PTPRN2: variants seen among roughly 807,000 people sequenced by gnomAD.
PTPRN2 encodes the protein protein tyrosine phosphatase receptor type N2.
A neutral mutation model predicts 118.8 loss-of-function variants in PTPRN2; 74 were observed. The ratio of observed to expected loss-of-function variants is 0.62; its 90% CI spans 0.52 to 0.76. The LOEUF (loss-of-function observed/expected upper bound fraction) is 0.76. Among genes scored for constraint, PTPRN2 ranks in the 30% least tolerant of loss-of-function variants. The pLI is 0.00. For synonymous variants in PTPRN2, 641 were observed against 608.0 expected (o/e 1.05, Z -0.80); for missense variants, 1,481 against 1,394.4 (o/e 1.06, Z -0.99).
chr7:157,578,017 G>A lies in PTPRN2; in HGVS notation c.2616+4C>T. 6.2e-7 allele frequency: 1 copy of A among 1,605,528 alleles called. No individual in the cohort carries two copies. The highest frequency in any genetic ancestry group is 8.5e-7 in the Non-Finnish European group (1 of 1,173,616). On this transcript the variant is annotated splice_donor_region_variant and intron_variant, in intron 18 of 22. Coordinates refer to ENST00000389418, the MANE Select transcript of PTPRN2 (RefSeq NM_002847.5). ...CCTGCCCTGGGTGGCTCTGGTCGGA[G>A]TACCTCATAGATGTGGTAGAGATTG...
chr7:157,561,360 C>A (rs1396932593), intron 21 of PTPRN2, among the ~76,000 whole-genome samples: 1 of 152,256 alleles, frequency 6.6e-6, no homozygotes, highest in South Asian at 2.1e-4. Flanking sequence ...GCGGCCCAGG[C>A]GCCTCACCAC....
intron 11 of PTPRN2, among the ~76,000 whole-genome samples, chr7:158,062,963 G>T (rs1273216083): frequency 1.3e-5 from 2 of 152,254 alleles, no homozygotes; most frequent in Non-Finnish European, 2.9e-5. Context: ...TGGGCTCACG[G>T]TGCACGACTG....
At chr7:158,286,467 G>A (rs188396754) in intron 3 of PTPRN2, among the ~76,000 whole-genome samples, 15 of 152,212 alleles carry the variant, frequency 9.9e-5, no homozygotes, top group African/African-American at 2.2e-4. Context: ...TCACCATTGC[G>A]TATGATGTTA....
chr7:158,024,632 C>T (rs9691095), intron 11 of PTPRN2, among the ~76,000 whole-genome samples: 2,715 of 152,304 alleles, frequency 0.018, 52 homozygotes, highest in African/African-American at 0.053. Flanking sequence ...GATGTGGCTC[C>T]TGACCCCATG....
chr7:158,571,424 G>A (rs1004676685), intron 1 of PTPRN2, among the ~76,000 whole-genome samples: 1 of 150,338 alleles, frequency 6.7e-6, no homozygotes, highest in Non-Finnish European at 1.5e-5. Context: ...GTTGCAGTGA[G>A]CTGAGATTGC....
Position 158,003,580 on chromosome 7 carries a change from A to G in PTPRN2, c.1723+77718T>C, listed in dbSNP as rs1805436861. On this transcript the variant is annotated intron_variant, in intron 11 of 22. Transcript: ENST00000389418. The surrounding 1 kb of genome is among the most constrained non-coding windows in gnomAD (Gnocchi z 5.0). ...GTGAGCCAGGGAATGCGGCCCCAGG[A>G]ACAAGCCCTGCCCACAGGCGTCCCA... Among the ~76,000 whole-genome samples, 1 of 152,124 alleles carries G rather than the reference A, an allele frequency of 6.6e-6. No individual in the cohort carries two copies. Among genetic ancestry groups the G allele is most frequent in the Admixed American group, 6.5e-5 (1 of 15,272 alleles).
chr7:158,001,689 C>T (rs1316774782), intron 11 of PTPRN2, among the ~76,000 whole-genome samples: 1 of 152,200 alleles, frequency 6.6e-6, no homozygotes, highest in Non-Finnish European at 1.5e-5. Flanking sequence ...ATGCCAACTC[C>T]CAATCCGTGC....
chr7:158,096,295 A>C (rs1814621933), intron 10 of PTPRN2, among the ~76,000 whole-genome samples: 1 of 152,144 alleles, frequency 6.6e-6, no homozygotes, highest in Non-Finnish European at 1.5e-5. Flanking sequence ...GGGGCCTCTA[A>C]GAGCCGGGTC....
intron 3 of PTPRN2, among the ~76,000 whole-genome samples, chr7:158,239,829 C>T (rs1563023699): frequency 6.6e-6 from 1 of 152,204 alleles, no homozygotes; most frequent in African/African-American, 2.4e-5. Context: ...CATTGGGTCA[C>T]GAAATCCTTG....
chr7:158,238,287 G>A (rs535829458), intron 3 of PTPRN2, among the ~76,000 whole-genome samples: 57 of 152,154 alleles, frequency 3.7e-4, no homozygotes, highest in Non-Finnish European at 7.4e-4. Context: ...GATGGCCATC[G>A]CAGATCAGGA....
chr7:157,558,976 A>C (rs1316100444), intron 21 of PTPRN2, among the ~76,000 whole-genome samples: 1 of 152,234 alleles, frequency 6.6e-6, no homozygotes, highest in African/African-American at 2.4e-5. Context: ...CGGAAACAGG[A>C]GAAACGGAAG....
intron 12 of PTPRN2, among the ~76,000 whole-genome samples, chr7:157,756,248 G>T (rs567730073): frequency 6.6e-6 from 1 of 151,982 alleles, no homozygotes; most frequent in African/African-American, 2.4e-5. Context: ...TTAGGATCTC[G>T]GCTCTGTAAT....
At chr7:157,798,694 T>G (rs1293593969) in intron 12 of PTPRN2, among the ~76,000 whole-genome samples, 2 of 152,254 alleles carry the variant, frequency 1.3e-5, no homozygotes, top group Non-Finnish European at 2.9e-5. Context: ...ATTAGAACTT[T>G]ATGTTCGTTT....
intron 12 of PTPRN2, among the ~76,000 whole-genome samples, chr7:157,835,824 C>T (rs1207933779): frequency 6.6e-6 from 1 of 151,786 alleles, no homozygotes; most frequent in Non-Finnish European, 1.5e-5. Flanking sequence ...ATAAAAATAA[C>T]AAATAAAAAC....
intron 13 of PTPRN2, among the ~76,000 whole-genome samples, chr7:157,659,276 CGCGGGGACTGGGAGGATGACT>C (rs917112491): frequency 5.1e-5 from 7 of 137,356 alleles, no homozygotes; most frequent in African/African-American, 1.7e-4. Context: ...GGAGGATGAC[CGCGGGGACTGGGAGGATGACT>C]GCGGGGACGG....
At chr7:158,330,999 C>G (rs1804283256) in intron 2 of PTPRN2, among the ~76,000 whole-genome samples, 2 of 123,608 alleles carry the variant, frequency 1.6e-5, no homozygotes, top group Admixed American at 8.4e-5. Flanking sequence ...TAAGAGCTGA[C>G]ACCCGCAGAC....
intron 12 of PTPRN2, among the ~76,000 whole-genome samples, chr7:157,790,971 T>A (rs954383641): frequency 2.0e-5 from 3 of 152,260 alleles, no homozygotes; most frequent in Non-Finnish European, 2.9e-5. Context: ...TAACTTTTTT[T>A]AATATACTGC....
At chr7:158,183,575 A>T (rs4909119) in intron 5 of PTPRN2, among the ~76,000 whole-genome samples, 1 of 152,042 alleles carries the variant, frequency 6.6e-6, no homozygotes, top group Non-Finnish European at 1.5e-5. Context: ...GGCTTCCCCA[A>T]TCCATGCTGG....
chr7:157,571,878 T>G (rs1799776266), intron 19 of PTPRN2, among the ~76,000 whole-genome samples: 1 of 116,746 alleles, frequency 8.6e-6, no homozygotes, highest in African/African-American at 3.5e-5. Context: ...ATTTTTGAGT[T>G]TTGCAATTTA....
Sources: allele counts gnomAD v4.1 joint callset (sites outside exome capture counted in the v4.1 genomes callset), GRCh38; gene constraint gnomAD v4.1.1; non-coding constraint Gnocchi (gnomAD v3.1); transcripts MANE v1.5; gene names NCBI Gene and HGNC (gene_info 2026-07-23, HGNC 2026-07-21).